The following RBFOX1 variants were observed in gnomAD, a reference collection of about 807,000 sequenced individuals.
RBFOX1 encodes the protein RNA binding protein fox-1 homolog 1.
A neutral mutation model predicts 57.7 loss-of-function variants in RBFOX1; 8 were observed. The ratio of observed to expected loss-of-function variants is 0.14; its 90% CI spans 0.08 to 0.25. The LOEUF (loss-of-function observed/expected upper bound fraction) is 0.25. Ranked by LOEUF, RBFOX1 falls within the 10% of genes least tolerant of loss-of-function variation. RBFOX1 has a pLI of 1.00. For missense variants in RBFOX1, 611 were observed against 548.5 expected (o/e 1.11, Z -1.14); for synonymous variants, 326 against 222.4 (o/e 1.47, Z -4.15).
At chr16:5,495,620 C>G (rs1336733096) in intron 2 of RBFOX1, among the ~76,000 whole-genome samples, 1 of 152,210 alleles carries the variant, frequency 6.6e-6, no homozygotes, top group African/African-American at 2.4e-5. Context: ...CTGGCTAAGA[C>G]CAACGGGACC....
At position 7,200,747 on chromosome 16, in the gene RBFOX1, G is replaced by A. The variant is rs963188910; in HGVS notation, c.27+148649G>A. Among the ~76,000 whole-genome samples, 8 of 152,286 alleles carry A rather than the reference G, an allele frequency of 5.3e-5. No individual in the cohort carries two copies. In the South Asian group the frequency reaches 1.7e-3, roughly 32 times the overall value. ...GAGAGGGATCCCCATTAAGATGGCA[G>A]TGAAAATTATTAGACATGCATCCTG... On this transcript the variant is annotated intron_variant, in intron 4 of 15. Transcript: ENST00000550418.
chr16:5,508,652 G>C lies in RBFOX1; in HGVS notation c.258+41398G>C, dbSNP rs866248105. ...GGGGACTGCACAGAGCGATTGTACA[G>C]AGTGCCACACCCAAGATGGTGGGGA... On this transcript the variant is annotated intron_variant, in intron 2 of 2. Coordinates refer to the RBFOX1 transcript ENST00000585867. Among the ~76,000 whole-genome samples, 13 of 152,118 alleles carry C rather than the reference G, an allele frequency of 8.5e-5. No homozygotes were observed. The Middle Eastern group carries it at 0.014, about 159-fold the overall frequency.
intron 1 of RBFOX1, among the ~76,000 whole-genome samples, chr16:6,096,622 A>G (rs1223579226): frequency 6.6e-6 from 1 of 152,164 alleles, no homozygotes; most frequent in Non-Finnish European, 1.5e-5. Context: ...GTGAACCAAC[A>G]CTTTCTTTTC....
At chr16:7,228,822 G>A (rs537576905) in intron 4 of RBFOX1, among the ~76,000 whole-genome samples, 4 of 152,212 alleles carry the variant, frequency 2.6e-5, no homozygotes, top group East Asian at 1.9e-4. Context: ...ATAATCTCTC[G>A]GTTCTAACTT....
chr16:7,415,048 A>G (rs1184624525), intron 4 of RBFOX1, among the ~76,000 whole-genome samples: 3 of 152,372 alleles, frequency 2.0e-5, no homozygotes, highest in East Asian at 3.9e-4. Flanking sequence ...TCTATACTCT[A>G]CAGCCTCTGA....
At chr16:5,626,269 C>T (rs2048348681) in intron 3 of RBFOX1, among the ~76,000 whole-genome samples, 1 of 152,194 alleles carries the variant, frequency 6.6e-6, no homozygotes, top group Non-Finnish European at 1.5e-5. Context: ...AAGGTGTTGG[C>T]AGGGTTGGTT....
chr16:6,241,460 C>A (rs971366088), intron 1 of RBFOX1, among the ~76,000 whole-genome samples: 1 of 149,996 alleles, frequency 6.7e-6, no homozygotes, highest in African/African-American at 2.5e-5. Context: ...CTATAAATAG[C>A]TAAAAAAAAA....
In RBFOX1 at chr16:5,646,030, T is replaced by A. The variant is rs537975881; in HGVS notation, c.318+47069T>A. Among the ~76,000 whole-genome samples the A allele has an allele frequency of 1.6e-4, 22 of 137,122 alleles. No homozygotes were observed. In the East Asian group the frequency reaches 2.9e-3, roughly 18 times the overall value. 90.0% of individuals were successfully genotyped at this position (137,122 alleles called of 152,430 possible). On this transcript the variant is annotated intron_variant, in intron 3 of 19. Coordinates refer to the RBFOX1 transcript ENST00000641259. ...TGTTTGTCCTCTGTTTTTTTTTTAA[T>A]TTTTTTTTTCTATTTTTGAGACGGA...
intron 1 of RBFOX1, among the ~76,000 whole-genome samples, chr16:6,127,432 C>A (rs967311678): frequency 6.6e-6 from 1 of 152,008 alleles, no homozygotes; most frequent in African/African-American, 2.4e-5. Context: ...CATTATATGC[C>A]AAGCCCTGAC....
At chr16:6,731,995 A>AT (rs1188658889) in intron 3 of RBFOX1, among the ~76,000 whole-genome samples, 11 of 152,220 alleles carry the variant, frequency 7.2e-5, no homozygotes, top group Non-Finnish European at 1.0e-4. Context: ...AAAAGGGAAG[A>AT]TTTTTTTTAA....
At chr16:6,760,581 G>C (rs1026657761) in intron 3 of RBFOX1, among the ~76,000 whole-genome samples, 8 of 152,336 alleles carry the variant, frequency 5.3e-5, no homozygotes, top group Admixed American at 3.9e-4. Context: ...TTTAGCATTT[G>C]ATCTTGTTTT....
intron 3 of RBFOX1, among the ~76,000 whole-genome samples, chr16:5,678,068 C>G (rs995041281): frequency 6.6e-6 from 1 of 152,126 alleles, no homozygotes; most frequent in Non-Finnish European, 1.5e-5. Flanking sequence ...GTGTTGGTGT[C>G]GATGAATGTC....
At chr16:7,189,711 T>C (rs13339007) in intron 4 of RBFOX1, among the ~76,000 whole-genome samples, 39,045 of 152,200 alleles carry the variant, frequency 0.26, 5,564 homozygotes, top group African/African-American at 0.38. Flanking sequence ...AAATTACTGA[T>C]GGGGTCTAGG....
At chr16:6,935,051 A>G (rs1430116882) in intron 3 of RBFOX1, among the ~76,000 whole-genome samples, 1 of 152,028 alleles carries the variant, frequency 6.6e-6, no homozygotes, top group Non-Finnish European at 1.5e-5. Context: ...AGATCGTTCC[A>G]CTGCACTCCA....
chr16:7,514,861 G>A (rs550379075), intron 4 of RBFOX1, among the ~76,000 whole-genome samples: 1 of 152,310 alleles, frequency 6.6e-6, no homozygotes, highest in South Asian at 2.1e-4. Flanking sequence ...TCCTGAGCTT[G>A]CTCTGCACTG....
intron 4 of RBFOX1, among the ~76,000 whole-genome samples, chr16:7,180,466 C>G (rs1428079064): frequency 6.6e-6 from 1 of 152,084 alleles, no homozygotes; most frequent in African/African-American, 2.4e-5. Context: ...GACGTGTTTT[C>G]AGAAAGTCTA....
intron 2 of RBFOX1, among the ~76,000 whole-genome samples, chr16:6,376,026 C>A (rs2091130483): frequency 6.6e-6 from 1 of 152,174 alleles, no homozygotes; most frequent in South Asian, 2.1e-4. Flanking sequence ...TGTTTGAGCT[C>A]ATTTACCACT....
chr16:6,708,097 A>G (rs1281475175), intron 3 of RBFOX1, among the ~76,000 whole-genome samples: 1 of 152,150 alleles, frequency 6.6e-6, no homozygotes. Context: ...GCCACAGTGA[A>G]CAGTTGGCAT....
At chr16:6,005,831 C>G (rs1171203975) in intron 4 of RBFOX1, among the ~76,000 whole-genome samples, 1 of 152,162 alleles carries the variant, frequency 6.6e-6, no homozygotes, top group Non-Finnish European at 1.5e-5. Context: ...TGAGCTGGGT[C>G]TTGAGTCAGG....
Sources: gnomAD v4.1 joint callset for allele counts (sites outside exome capture counted in the v4.1 genomes callset) on GRCh38, gnomAD v4.1.1 for gene constraint, MANE v1.5 for transcripts, NCBI Gene and HGNC (gene_info 2026-07-23, HGNC 2026-07-21) for gene names.